The following MAST4 variants were observed in gnomAD, a reference collection of about 807,000 sequenced individuals.
The protein encoded by MAST4 is microtubule-associated serine/threonine-protein kinase 4.
Under a neutral mutation model 162.7 loss-of-function variants are expected in MAST4, and 89 were observed. The observed-to-expected ratio is 0.55, with a 90% CI of 0.46 to 0.65. The LOEUF (loss-of-function observed/expected upper bound fraction) is 0.65. Among genes scored for constraint, MAST4 ranks in the 30% least tolerant of loss-of-function variants. The pLI, the probability that MAST4 is intolerant of heterozygous loss-of-function variation, is 0.00. For missense variants in MAST4, 3,153 were observed against 3,374.0 expected (o/e 0.93, Z 1.62); for synonymous variants, 1,479 against 1,361.1 (o/e 1.09, Z -1.91).
At chr5:66,715,732 GAA>G (rs34012737) in intron 1 of MAST4, among the ~76,000 whole-genome samples, 30,350 of 124,950 alleles carry the variant, frequency 0.24, 3,955 homozygotes, top group African/African-American at 0.38. Context: ...GCCATGACAG[GAA>G]AAAAAAAAAA....
At chr5:66,715,540 G>A (rs1236290732) in intron 1 of MAST4, among the ~76,000 whole-genome samples, 3 of 136,550 alleles carry the variant, frequency 2.2e-5, no homozygotes, top group Non-Finnish European at 3.1e-5. Flanking sequence ...GGAGGGGGGA[G>A]GTATAGCATT....
Position 66,596,735 on chromosome 5 carries a change from C to T in MAST4, c.80C>T (p.Ala27Val). The stretch of plus-strand genomic sequence containing the variant: ...CACGGCAGCCGGACTCCAGCCTCTG[C>T]GCTGGTCGCCGCGTCCTCTCCGGGT... Reference protein sequence around the residue: ...SGHGSRTPASALVAASSPGAS... With the variant: ...SGHGSRTPASVLVAASSPGAS... The change falls in exon 1 of 29, where the codon GCG becomes GTG. Residue 27 changes from alanine (A) to valine (V), a missense_variant. By Grantham distance (64) the Ala-to-Val change is moderately conservative. Transcript: ENST00000403625. 7.1e-7 allele frequency: 1 copy of T among 1,413,178 alleles called. No homozygotes were observed. Among genetic ancestry groups the T allele is most frequent in the South Asian group, 1.7e-5 (1 of 58,804 alleles). 87.5% of individuals were successfully genotyped at this position (1,413,178 alleles called of 1,614,324 possible). A position where few individuals can be genotyped will look rare whatever the true frequency, so the allele number is the denominator to read the frequency against.
chr5:66,813,613 A>G (rs941275432), intron 3 of MAST4, among the ~76,000 whole-genome samples: 3 of 152,244 alleles, frequency 2.0e-5, no homozygotes, highest in Admixed American at 1.3e-4. Flanking sequence ...CAACATTGCC[A>G]TGTATTTTTA....
chr5:66,866,138 G>T lies in MAST4; in HGVS notation c.643-33813G>T, dbSNP rs374969868. On this transcript the variant is annotated intron_variant, in intron 3 of 28. Coordinates refer to ENST00000403625, the MANE Select transcript of MAST4 (RefSeq NM_001164664.2). ...CTGGTAGTTGCTGCGAAAAGTATTG[G>T]CAAGTATTATTTCATGATGTAAAAT... Among the ~76,000 whole-genome samples, 141 of 151,756 alleles carry T rather than the reference G, an allele frequency of 9.3e-4. 1 individual carries two copies. In the South Asian group the frequency reaches 0.012, roughly 13 times the overall value.
intron 4 of MAST4, among the ~76,000 whole-genome samples, chr5:67,021,021 A>G (rs73766136): frequency 0.011 from 1,732 of 152,304 alleles, 29 homozygotes; most frequent in African/African-American, 0.039. Flanking sequence ...CCTCTTACCT[A>G]GGACAATCCC....
At chr5:66,696,177 A>G (rs1453508718) in intron 1 of MAST4, among the ~76,000 whole-genome samples, 2 of 152,076 alleles carry the variant, frequency 1.3e-5, no homozygotes, top group Non-Finnish European at 2.9e-5. Context: ...TATGGAGGGG[A>G]AAAACACACA....
chr5:66,937,439 G>A (rs1032912611), intron 4 of MAST4, among the ~76,000 whole-genome samples: 25 of 152,228 alleles, frequency 1.6e-4, no homozygotes, highest in African/African-American at 5.5e-4. Flanking sequence ...AATGGATCGG[G>A]CATTTATTTT....
At chr5:66,698,681 GCATCTC>G (rs1749568613) in intron 1 of MAST4, among the ~76,000 whole-genome samples, 1 of 152,060 alleles carries the variant, frequency 6.6e-6, no homozygotes, top group African/African-American at 2.4e-5. Flanking sequence ...TGTCTGCCTG[GCATCTC>G]CACTTGGATA....
intron 1 of MAST4, among the ~76,000 whole-genome samples, chr5:66,603,688 A>G (rs1450632332): frequency 6.6e-6 from 1 of 152,230 alleles, no homozygotes; most frequent in Non-Finnish European, 1.5e-5. Context: ...TTGGAACAGT[A>G]TAAACATTTT....
chr5:66,891,360 T>A (rs1762352244), intron 3 of MAST4, among the ~76,000 whole-genome samples: 1 of 152,148 alleles, frequency 6.6e-6, no homozygotes, highest in Non-Finnish European at 1.5e-5. Context: ...TGCCTCTTCC[T>A]TGTTCCTGGC....
chr5:67,162,864 C>T (rs1773361871), intron 28 of MAST4, 76 bp downstream of exon 28: 1 of 1,417,660 alleles, frequency 7.1e-7, no homozygotes, highest in Non-Finnish European at 9.6e-7. Flanking sequence ...AAACATGAAG[C>T]TTGTTCCAGC....
chr5:66,770,187 G>A (rs1467047791), intron 2 of MAST4, among the ~76,000 whole-genome samples: 1 of 152,188 alleles, frequency 6.6e-6, no homozygotes, highest in African/African-American at 2.4e-5. Flanking sequence ...TTTAAGAAGC[G>A]TTAAAACCAT....
intron 4 of MAST4, among the ~76,000 whole-genome samples, chr5:66,903,088 A>C (rs1057297080): frequency 2.0e-5 from 3 of 152,226 alleles, no homozygotes; most frequent in African/African-American, 7.2e-5. Flanking sequence ...TTATATTATA[A>C]AACTTAAAAA....
chr5:66,836,370 G>A (rs1223586053), intron 3 of MAST4, among the ~76,000 whole-genome samples: 1 of 152,210 alleles, frequency 6.6e-6, no homozygotes, highest in African/African-American at 2.4e-5. Flanking sequence ...TTCGGCCACT[G>A]TGGAAAGCAG....
At chr5:66,782,500 C>G (rs1754923750) in intron 2 of MAST4, among the ~76,000 whole-genome samples, 1 of 152,228 alleles carries the variant, frequency 6.6e-6, no homozygotes, top group Admixed American at 6.5e-5. Context: ...TCCATTCAAA[C>G]AACCCACACC....
chr5:66,624,147 T>TTTTTG (rs1491169207), intron 1 of MAST4, among the ~76,000 whole-genome samples: 7 of 14,636 alleles, frequency 4.8e-4, no homozygotes, highest in Admixed American at 3.4e-3. Flanking sequence ...TGTTAAAATG[T>TTTTTG]TTTTTTTTTT....
At chr5:67,075,082 T>A (rs1289577071) in intron 5 of MAST4, among the ~76,000 whole-genome samples, 1 of 152,126 alleles carries the variant, frequency 6.6e-6, no homozygotes, top group African/African-American at 2.4e-5. Context: ...CATATGCTAC[T>A]ATCTTTTACC....
At chr5:66,963,129 T>C (rs995696698) in intron 4 of MAST4, among the ~76,000 whole-genome samples, 4 of 152,300 alleles carry the variant, frequency 2.6e-5, no homozygotes, top group African/African-American at 7.2e-5. Context: ...CTCTGGAAGA[T>C]AAAATAATAT....
At chr5:66,657,081 T>C (rs950331499) in intron 1 of MAST4, among the ~76,000 whole-genome samples, 2 of 152,250 alleles carry the variant, frequency 1.3e-5, no homozygotes, top group African/African-American at 2.4e-5. Context: ...TCAGTAAAGG[T>C]AGAAAACTTA....
Sources: gnomAD v4.1 joint callset for allele counts (sites outside exome capture counted in the v4.1 genomes callset) on GRCh38, gnomAD v4.1.1 for gene constraint, MANE v1.5 for transcripts, NCBI Gene and HGNC (gene_info 2026-07-23, HGNC 2026-07-21) for gene names.